GNG7: variants seen among roughly 807,000 people sequenced by gnomAD.
The protein encoded by GNG7 is guanine nucleotide-binding protein G(I)/G(S)/G(O) subunit gamma-7.
In GNG7, 1 loss-of-function variant was observed where a neutral mutation model predicts 4.0. The observed-to-expected ratio is 0.25, with a 90% CI of 0.09 to 1.18. GNG7 has a LOEUF of 1.18. Among genes scored for constraint, GNG7 ranks in the 50% most tolerant of loss-of-function variants. The probability of loss-of-function intolerance (pLI) is 0.50; values close to 1 mark genes in which losing one functional copy is unlikely to be tolerated. For missense variants in GNG7, 86 were observed against 91.9 expected (o/e 0.94, Z 0.26); for synonymous variants, 34 against 36.9 (o/e 0.92, Z 0.29).
intron 1 of GNG7, among the ~76,000 whole-genome samples, chr19:2,662,824 G>A (rs957230092): frequency 5.3e-5 from 8 of 152,110 alleles, no homozygotes; most frequent in African/African-American, 1.7e-4. Flanking sequence ...GGAGGGTACA[G>A]CTAAAGGTTC....
At chr19:2,664,186 A>G (rs1983246785) in intron 1 of GNG7, among the ~76,000 whole-genome samples, 1 of 152,042 alleles carries the variant, frequency 6.6e-6, no homozygotes, top group Non-Finnish European at 1.5e-5. Flanking sequence ...CCACGCTGAC[A>G]TTCTGCCAGC....
intron 2 of GNG7, among the ~76,000 whole-genome samples, chr19:2,584,731 G>A (rs1599405323): frequency 1.5e-5 from 1 of 67,590 alleles, no homozygotes; most frequent in Non-Finnish European, 2.8e-5. Flanking sequence ...AAGGAAAGAA[G>A]GAAGGAAGGA....
At chr19:2,540,796 A>C (rs1022109778) in intron 3 of GNG7, among the ~76,000 whole-genome samples, 1 of 151,968 alleles carries the variant, frequency 6.6e-6, no homozygotes, top group Non-Finnish European at 1.5e-5. Flanking sequence ...TGCCACGGCC[A>C]CTCTTGGAGG....
rs62121669 is a variant in GNG7, at chr19:2,514,986, A to G, written c.*36T>C. ...ACAGAGACAGAGAGAGAGAGAGAGAAAGAGAGAGAGAGAGAGAGAACATAT... is the reference window on the plus strand; with the variant it reads ...ACAGAGACAGAGAGAGAGAGAGAGAGAGAGAGAGAGAGAGAGAGAACATAT... On this transcript the variant is annotated 3_prime_UTR_variant, in exon 5 of 5. Transcript: ENST00000382159. 754 of 1,052,744 alleles carry G rather than the reference A, an allele frequency of 7.2e-4. 1 individual carries two copies. Among genetic ancestry groups the G allele is most frequent in the Non-Finnish European group, 4.2e-4 (321 of 755,358 alleles). The allele number at this position is 1,052,744 out of a possible 1,614,324, so 65.2% of individuals were successfully genotyped here.
At chr19:2,555,856 T>C (rs1018153902) in intron 2 of GNG7, among the ~76,000 whole-genome samples, 2 of 151,992 alleles carry the variant, frequency 1.3e-5, no homozygotes, top group African/African-American at 4.8e-5. Context: ...AGCCGGACCC[T>C]GCACAGGGCC....
chr19:2,513,147 A>G lies in GNG7; in HGVS notation c.*1875T>C. ...CCCCGACACCTGCACACACACCCGG[A>G]GCCCTCTAGCCTTGGCGAGGTGGGA... On this transcript the variant is annotated 3_prime_UTR_variant, in exon 5 of 5. Coordinates refer to ENST00000382159, the MANE Select transcript of GNG7 (RefSeq NM_052847.3). 1 of 984,764 alleles carries G rather than the reference A, an allele frequency of 1.0e-6. No individual in the cohort carries two copies. The highest frequency in any genetic ancestry group is 1.2e-6 in the Non-Finnish European group (1 of 829,344). 61.0% of individuals were successfully genotyped at this position (984,764 alleles called of 1,614,324 possible).
At chr19:2,683,164 G>A (rs1983784724) in intron 1 of GNG7, among the ~76,000 whole-genome samples, 2 of 152,010 alleles carry the variant, frequency 1.3e-5, no homozygotes, top group African/African-American at 2.4e-5. Flanking sequence ...GCTTGAACCC[G>A]GGAGGCAGAG....
chr19:2,547,434 C>G (rs912465345), intron 3 of GNG7, among the ~76,000 whole-genome samples: 2 of 152,062 alleles, frequency 1.3e-5, no homozygotes, highest in African/African-American at 2.4e-5. Flanking sequence ...TTCACAGACA[C>G]AGCACAGCCT....
chr19:2,528,339 G>A (rs1382568639), intron 3 of GNG7, among the ~76,000 whole-genome samples: 1 of 149,046 alleles, frequency 6.7e-6, no homozygotes, highest in Non-Finnish European at 1.5e-5. Context: ...TTGGGAGGCC[G>A]AGGCGGGCAG....
At chr19:2,536,097 CCGGGCAA>C (rs1255567524) in intron 3 of GNG7, among the ~76,000 whole-genome samples, 1 of 151,968 alleles carries the variant, frequency 6.6e-6, no homozygotes, top group Non-Finnish European at 1.5e-5. Context: ...TGTACTTCAG[CCGGGCAA>C]CAGAGTGAGA....
At chr19:2,575,737 G>GACACAGA (rs1980303304) in intron 2 of GNG7, among the ~76,000 whole-genome samples, 1 of 54,004 alleles carries the variant, frequency 1.9e-5, no homozygotes, top group African/African-American at 1.4e-4. Context: ...GCAGGCACAC[G>GACACAGA]CACACGCAGG....
In GNG7 at chr19:2,612,709, T is replaced by A. The variant is rs1203973755; in HGVS notation, c.-78+33515A>T. ...GAATTTTTTTTTTTTTTTGAGAAAT[T>A]TTTTTTTTTTTTTTGAGAGTCTTGC... On this transcript the variant is annotated intron_variant, in intron 2 of 4. Transcript: ENST00000382159. Among the ~76,000 whole-genome samples the A allele has an allele frequency of 7.7e-5, 11 of 143,314 alleles. No individual in the cohort carries two copies. In the East Asian group the frequency reaches 2.3e-3, roughly 30 times the overall value. 94.0% of individuals were successfully genotyped at this position (143,314 alleles called of 152,430 possible).
At position 2,664,466 on chromosome 19, in the gene GNG7, G is replaced by A. The variant is rs141490307; in HGVS notation, c.-134-18186C>T. ...GAGACTGATGACGGCCAGGCCGGGC[G>A]TGACCTGGAACAGGCTCCACTGCAC... On this transcript the variant is annotated intron_variant, in intron 1 of 4. Transcript: ENST00000382159. Among the ~76,000 whole-genome samples, 7 of 152,240 alleles carry A rather than the reference G, an allele frequency of 4.6e-5. No individual in the cohort carries two copies. The East Asian group carries it at 5.8e-4, about 13-fold the overall frequency.
intron 2 of GNG7, among the ~76,000 whole-genome samples, chr19:2,574,831 A>C (rs1308451256): frequency 6.6e-6 from 1 of 152,282 alleles, no homozygotes; most frequent in East Asian, 1.9e-4. Flanking sequence ...CCAGCCACGC[A>C]CGAGGGTCTG....
In GNG7 at chr19:2,670,892, T is replaced by G. The variant is rs11878785; in HGVS notation, c.-134-24612A>C. ...CCTCCCACAAAGAGACGGCGTCCCA[T>G]GATCCTCTGCCCTGCTGAGGTCCCA... On this transcript the variant is annotated intron_variant, in intron 1 of 4. Coordinates refer to ENST00000382159, the MANE Select transcript of GNG7 (RefSeq NM_052847.3). Among the ~76,000 whole-genome samples, 43 of 152,204 alleles carry G rather than the reference T, an allele frequency of 2.8e-4. No homozygotes were observed. The East Asian group carries it at 7.9e-3, about 28-fold the overall frequency.
rs1421883737 is a variant in GNG7 at position 2,551,589 on chromosome 19, G to GTATTTATAAATATAAAAA, written c.-38+3559_-38+3560insTTTTTATATTTATAAATA. Among the ~76,000 whole-genome samples the GTATTTATAAATATAAAAA allele has an allele frequency of 2.7e-5, 4 of 145,752 alleles. 1 individual carries two copies. The highest frequency in any genetic ancestry group is 1.4e-4 in the Admixed American group (2 of 14,550). On this transcript the variant is annotated intron_variant, in intron 3 of 4. Transcript: ENST00000382159. ...TCTATTATCTATAATATATAAATAT[G>GTATTTATAAATATAAAAA]CATTTATAAATATATAAACAAATAT... is the stretch of plus-strand genomic sequence containing the variant.
chr19:2,567,502 T>G (rs1190535913), intron 2 of GNG7, among the ~76,000 whole-genome samples: 1 of 152,110 alleles, frequency 6.6e-6, no homozygotes, highest in African/African-American at 2.4e-5. Context: ...TTTTTGCATT[T>G]TTTTGTATAG....
chr19:2,538,495 G>A (rs953755380), intron 3 of GNG7, among the ~76,000 whole-genome samples: 2 of 151,184 alleles, frequency 1.3e-5, no homozygotes, highest in African/African-American at 2.4e-5. Context: ...GCCTGGCATG[G>A]TGGTGCACAC....
At position 2,512,442 on chromosome 19, in the gene GNG7, G is replaced by T; in HGVS notation, c.*2580C>A. On this transcript the variant is annotated 3_prime_UTR_variant, in exon 5 of 5. Transcript: ENST00000382159. The surrounding 1 kb of genome is among the most constrained non-coding windows in gnomAD (Gnocchi z 4.7). ...GGCAATGGCCACCTCCCTGGGGTCC[G>T]GGAGATGGTGGGGTCTGGACAGCTC... 1.2e-6 allele frequency: 1 copy of T among 862,972 alleles called. No individual in the cohort carries two copies. Among genetic ancestry groups the T allele is most frequent in the South Asian group, 5.3e-5 (1 of 18,884 alleles). The allele number at this position is 862,972 out of a possible 1,614,324, so 53.5% of individuals were successfully genotyped here.
Sources: gnomAD v4.1 joint callset for allele counts (sites outside exome capture counted in the v4.1 genomes callset) on GRCh38, gnomAD v4.1.1 for gene constraint, Gnocchi (gnomAD v3.1) non-coding constraint, MANE v1.5 for transcripts, NCBI Gene and HGNC (gene_info 2026-07-23, HGNC 2026-07-21) for gene names.